The following ADAM22 variants were observed in gnomAD, a reference collection of about 807,000 sequenced individuals.
ADAM22 encodes disintegrin and metalloproteinase domain-containing protein 22.
Under a neutral mutation model 144.6 loss-of-function variants are expected in ADAM22, and 65 were observed. That is an observed-to-expected ratio of 0.45 (90% CI 0.37 to 0.55). The LOEUF (loss-of-function observed/expected upper bound fraction) is 0.55. Ranked by LOEUF, ADAM22 falls within the 20% of genes least tolerant of loss-of-function variation. ADAM22 has a pLI of 0.00. For synonymous variants in ADAM22, 391 were observed against 412.6 expected (o/e 0.95, Z 0.63); for missense variants, 974 against 1,184.9 (o/e 0.82, Z 2.61).
At chr7:87,981,664 G>A (rs1853463449) in intron 3 of ADAM22, among the ~76,000 whole-genome samples, 1 of 152,030 alleles carries the variant, frequency 6.6e-6, no homozygotes, top group South Asian at 2.1e-4. Context: ...TTTCCAATTA[G>A]TTACCTCTTG....
Position 88,183,479 on chromosome 7 carries a change from C to T in ADAM22, c.2663+1455C>T, listed in dbSNP as rs113830612. Among the ~76,000 whole-genome samples the T allele has an allele frequency of 3.9e-3, 592 of 152,022 alleles. 1 individual carries two copies. The highest frequency in any genetic ancestry group is 0.013 in the African/African-American group (560 of 41,486). ...AAAGCTATGAGCTTAGGACCTAACGCACATTTGGTGTTTAACAATATTCAT... is the reference window on the plus strand; with the variant it reads ...AAAGCTATGAGCTTAGGACCTAACGTACATTTGGTGTTTAACAATATTCAT... On this transcript the variant is annotated intron_variant, in intron 29 of 31. Coordinates refer to ENST00000413139, the MANE Select transcript of ADAM22 (RefSeq NM_001324418.2).
intron 4 of ADAM22, among the ~76,000 whole-genome samples, chr7:88,083,496 G>T (rs1563180290): frequency 6.6e-6 from 1 of 151,260 alleles, no homozygotes; most frequent in Non-Finnish European, 1.5e-5. Context: ...ATAAAAAAAA[G>T]AATGCTATAA....
At chr7:88,085,661 G>C (rs1431828839) in intron 4 of ADAM22, among the ~76,000 whole-genome samples, 4 of 152,156 alleles carry the variant, frequency 2.6e-5, no homozygotes, top group African/African-American at 9.7e-5. Context: ...TGTATGGGTT[G>C]ATGAAATACT....
intron 3 of ADAM22, among the ~76,000 whole-genome samples, chr7:87,988,634 T>A (rs540876946): frequency 1.9e-4 from 29 of 152,226 alleles, no homozygotes; most frequent in Non-Finnish European, 3.1e-4. Context: ...TAATTATTTC[T>A]TCTTAACTTC....
chr7:88,134,258 C>T, intron 12 of ADAM22, 71 bp from the exon 13 acceptor site: 2 of 1,189,972 alleles, frequency 1.7e-6, no homozygotes, highest in Non-Finnish European at 2.4e-6. Flanking sequence ...GATATTGTGA[C>T]ATTTTTCTCT....
At chr7:87,985,309 T>C (rs1192446509) in intron 3 of ADAM22, among the ~76,000 whole-genome samples, 1 of 148,962 alleles carries the variant, frequency 6.7e-6, no homozygotes, top group African/African-American at 2.5e-5. Context: ...TGAGACTCCA[T>C]CTCAAAAAAA....
rs182882882 is a variant in ADAM22, at chr7:87,988,072, C to T, written c.323+9660C>T. Among the ~76,000 whole-genome samples the T allele has an allele frequency of 6.2e-4, 94 of 152,152 alleles. 1 individual carries two copies. The highest frequency in any genetic ancestry group is 3.5e-3 in the South Asian group (17 of 4,816). ...TGCAGAAGTGATAATACCAGATATA[C>T]TGCAAAGAAACAAAGAAAGATTAAC... On this transcript the variant is annotated intron_variant, in intron 3 of 31. Transcript: ENST00000413139.
At chr7:88,020,717 AC>A (rs1428313338) in intron 3 of ADAM22, among the ~76,000 whole-genome samples, 1 of 152,182 alleles carries the variant, frequency 6.6e-6, no homozygotes, top group African/African-American at 2.4e-5. Context: ...TGCCAGGATA[AC>A]ATATATTTTT....
chr7:87,997,112 AGTTT>A (rs1436615513), intron 3 of ADAM22, among the ~76,000 whole-genome samples: 2 of 152,094 alleles, frequency 1.3e-5, no homozygotes, highest in African/African-American at 2.4e-5. Context: ...TTACTATTGG[AGTTT>A]GTTTGTTCGT....
At chr7:87,955,034 G>A (rs1442263975) in intron 2 of ADAM22, among the ~76,000 whole-genome samples, 1 of 151,714 alleles carries the variant, frequency 6.6e-6, no homozygotes, top group Non-Finnish European at 1.5e-5. Flanking sequence ...TTATACATTT[G>A]TCTAAATTTT....
At chr7:88,104,798 A>AT (rs143900149) in intron 4 of ADAM22, among the ~76,000 whole-genome samples, 15,275 of 150,290 alleles carry the variant, frequency 0.1, 810 homozygotes, top group Admixed American at 0.14. Flanking sequence ...GCAAATTGAG[A>AT]TTTTTTTTTT....
intron 4 of ADAM22, among the ~76,000 whole-genome samples, chr7:88,079,555 T>C (rs1238998962): frequency 6.6e-6 from 1 of 152,070 alleles, no homozygotes; most frequent in Non-Finnish European, 1.5e-5. Flanking sequence ...GACTGGCAAA[T>C]TGGATAAAGA....
intron 4 of ADAM22, among the ~76,000 whole-genome samples, chr7:88,092,613 G>A (rs10238083): frequency 0.088 from 13,406 of 152,166 alleles, 1,283 homozygotes; most frequent in African/African-American, 0.24. Flanking sequence ...GAAGGTCTCA[G>A]ATTTCATGAT....
chr7:87,940,870 T>C (rs1842336078), intron 2 of ADAM22, among the ~76,000 whole-genome samples: 1 of 152,234 alleles, frequency 6.6e-6, no homozygotes, highest in African/African-American at 2.4e-5. Flanking sequence ...CTTATACTTT[T>C]ACCTGGACTT....
intron 3 of ADAM22, among the ~76,000 whole-genome samples, chr7:88,064,774 T>A (rs1304944770): frequency 6.6e-6 from 1 of 152,146 alleles, no homozygotes; most frequent in Non-Finnish European, 1.5e-5. Flanking sequence ...AGGCCTCACC[T>A]CTTAATATCA....
intron 25 of ADAM22, among the ~76,000 whole-genome samples, chr7:88,169,216 G>A (rs1306655421): frequency 6.6e-6 from 1 of 152,072 alleles, no homozygotes; most frequent in Non-Finnish European, 1.5e-5. Flanking sequence ...GGCAGGATAA[G>A]CTTTGTATGC....
chr7:88,018,894 A>G (rs1443138239), intron 3 of ADAM22, among the ~76,000 whole-genome samples: 1 of 152,260 alleles, frequency 6.6e-6, no homozygotes, highest in African/African-American at 2.4e-5. Flanking sequence ...TAATGTTTAC[A>G]TAAAGCTTTG....
chr7:87,978,190 T>C, intron 2 of ADAM22, 146 bp from the exon 3 acceptor site: 1 of 659,090 alleles, frequency 1.5e-6, no homozygotes, highest in East Asian at 2.9e-5. Context: ...AGGTGTAAAT[T>C]TTACTTTAAT....
rs1053799696 is a variant in ADAM22, at chr7:88,172,637, A to G, written c.2300+1076A>G. ...AGGCTTTAACCATAGGTATCTGTAG[A>G]ATCTGTATAAATATATAGTGCCCAT... On this transcript the variant is annotated intron_variant, in intron 26 of 31. Transcript: ENST00000413139. 2.6e-5 allele frequency among the ~76,000 whole-genome samples: 4 copies of G among 151,994 alleles called. No homozygotes were observed. In the South Asian group the frequency reaches 8.3e-4, roughly 31 times the overall value.
Sources: allele counts gnomAD v4.1 joint callset (sites outside exome capture counted in the v4.1 genomes callset), GRCh38; gene constraint gnomAD v4.1.1; transcripts MANE v1.5; gene names NCBI Gene and HGNC (gene_info 2026-07-23, HGNC 2026-07-21).